The following CECR2 variants were observed in gnomAD, a reference collection of about 807,000 sequenced individuals.
The protein encoded by CECR2 is chromatin remodeling regulator CECR2.
A neutral mutation model predicts 154.5 loss-of-function variants in CECR2; 30 were observed. That is an observed-to-expected ratio of 0.19 (90% CI 0.15 to 0.26). The LOEUF is 0.26. Ranked by LOEUF, CECR2 falls within the 10% of genes least tolerant of loss-of-function variation. The pLI is 1.00. For missense variants in CECR2, 1,743 were observed against 1,829.3 expected (o/e 0.95, Z 0.86); for synonymous variants, 725 against 683.7 (o/e 1.06, Z -0.94).
intron 1 of CECR2, among the ~76,000 whole-genome samples, chr22:17,448,847 C>T (rs2054719554): frequency 6.6e-6 from 1 of 151,888 alleles, no homozygotes; most frequent in Non-Finnish European, 1.5e-5. Flanking sequence ...TCTTCTTTCT[C>T]CTTTTCAGAT....
intron 1 of CECR2, among the ~76,000 whole-genome samples, chr22:17,422,578 A>C (rs2146607772): frequency 6.6e-6 from 1 of 151,466 alleles, no homozygotes; most frequent in East Asian, 1.9e-4. Context: ...ATTTGGATAA[A>C]TTTTCAGTCA....
At chr22:17,505,456 C>T (rs1181602293) in intron 7 of CECR2, among the ~76,000 whole-genome samples, 1 of 151,498 alleles carries the variant, frequency 6.6e-6, no homozygotes, top group Non-Finnish European at 1.5e-5. Context: ...GCTATAGTCT[C>T]ATAAACCATA....
intron 1 of CECR2, among the ~76,000 whole-genome samples, chr22:17,447,033 C>CTTTTTTTT (rs1555910503): frequency 5.3e-5 from 6 of 114,098 alleles, no homozygotes; most frequent in East Asian, 3.0e-4. Context: ...CGTTTACAAT[C>CTTTTTTTT]TTTTTTTTTT....
intron 2 of CECR2, among the ~76,000 whole-genome samples, chr22:17,487,715 C>G (rs16982542): frequency 0.17 from 26,493 of 151,872 alleles, 2,391 homozygotes; most frequent in Non-Finnish European, 0.19. Context: ...ATAATACTTA[C>G]TGCTAAAATG....
intron 16 of CECR2, among the ~76,000 whole-genome samples, chr22:17,543,266 G>A (rs914501022): frequency 6.6e-6 from 1 of 152,032 alleles, no homozygotes; most frequent in African/African-American, 2.4e-5. Context: ...CCGAGTGTCT[G>A]GGACTACAGG....
chr22:17,363,032 T>G (rs1253405416), intron 1 of CECR2, among the ~76,000 whole-genome samples: 6 of 149,146 alleles, frequency 4.0e-5, no homozygotes, highest in Non-Finnish European at 7.4e-5. Flanking sequence ...CCCACTATTT[T>G]AGCCATTTCC....
At chr22:17,400,687 C>T (rs1440743865) in intron 1 of CECR2, among the ~76,000 whole-genome samples, 2 of 152,144 alleles carry the variant, frequency 1.3e-5, no homozygotes, top group African/African-American at 4.8e-5. Context: ...AAATACCTTG[C>T]TGCTTATCCA....
intron 8 of CECR2, among the ~76,000 whole-genome samples, chr22:17,514,269 G>A (rs1189775239): frequency 6.6e-6 from 1 of 152,174 alleles, no homozygotes; most frequent in Non-Finnish European, 1.5e-5. Flanking sequence ...TGTTTGTTGG[G>A]TGTTCGTCTC....
chr22:17,500,518 A>G, intron 4 of CECR2, 113 bp from the exon 5 acceptor site: 1 of 743,858 alleles, frequency 1.3e-6, no homozygotes, highest in Non-Finnish European at 2.1e-6. Flanking sequence ...TTTTCCTTTC[A>G]CTGCTACATT....
chr22:17,415,600 A>G (rs2054145934), intron 1 of CECR2, among the ~76,000 whole-genome samples: 1 of 152,162 alleles, frequency 6.6e-6, no homozygotes, highest in Admixed American at 6.6e-5. Flanking sequence ...TATTTACACC[A>G]TGCATTGGAT....
chr22:17,429,768 T>A (rs1198218917), intron 1 of CECR2, among the ~76,000 whole-genome samples: 1 of 151,916 alleles, frequency 6.6e-6, no homozygotes, highest in Non-Finnish European at 1.5e-5. Flanking sequence ...AATGGGTAGG[T>A]TAGTGAATAA....
intron 2 of CECR2, among the ~76,000 whole-genome samples, chr22:17,487,488 A>G (rs2055442397): frequency 6.6e-6 from 1 of 152,170 alleles, no homozygotes; most frequent in African/African-American, 2.4e-5. Flanking sequence ...TCACTAGGTC[A>G]GGAGATAGAG....
At position 17,549,536 on chromosome 22, in the gene CECR2, C is replaced by A. The variant is rs766259622; in HGVS notation, c.4249C>A (p.Pro1417Thr). ...TGGCACTAGAAGTGGAATAAGAGGA[C>A]CTTTCCAGGAAATGTACAGACCATC... is the stretch of plus-strand genomic sequence containing the variant. ...QIGTRSGIRG[P>T]FQEMYRPSGM... The change falls in exon 17 of 19, where the codon CCT becomes ACT. Residue 1417 changes from proline (P) to threonine (T), a missense_variant. Around this residue, in one of 4 missense-constraint regions of CECR2, gnomAD observed 1,250 missense variants for 1,192.1 expected, o/e 1.05. Coordinates refer to ENST00000262608, the MANE Select transcript of CECR2 (RefSeq NM_001290047.2). The A allele has an allele frequency of 2.7e-5, 43 of 1,599,252 alleles. No individual in the cohort carries two copies. Among genetic ancestry groups the A allele is most frequent in the Admixed American group, 1.6e-4 (9 of 57,456 alleles).
At chr22:17,485,071 T>C (rs2055397302) in intron 2 of CECR2, among the ~76,000 whole-genome samples, 2 of 152,170 alleles carry the variant, frequency 1.3e-5, no homozygotes, top group Non-Finnish European at 2.9e-5. Context: ...CATAACACTG[T>C]CTACTCATGG....
At chr22:17,456,767 T>A (rs2054860313) in intron 1 of CECR2, among the ~76,000 whole-genome samples, 1 of 152,200 alleles carries the variant, frequency 6.6e-6, no homozygotes, top group Non-Finnish European at 1.5e-5. Context: ...AGCATCACGA[T>A]ATGGAGATGG....
Position 17,548,487 on chromosome 22 carries a change from A to G in CECR2, c.3200A>G (p.Glu1067Gly), listed in dbSNP as rs2056650865. The G allele has an allele frequency of 6.2e-7, 1 of 1,613,658 alleles. No individual in the cohort carries two copies. Among genetic ancestry groups the G allele is most frequent in the Non-Finnish European group, 8.5e-7 (1 of 1,179,824 alleles). The change falls in exon 17 of 19, where the codon GAG (glutamate) becomes GGG (glycine). Residue 1067 changes from glutamate to glycine, a missense_variant. Glu to Gly is a moderately conservative substitution (Grantham distance 98, BLOSUM62 -2). Coordinates refer to ENST00000262608, the MANE Select transcript of CECR2 (RefSeq NM_001290047.2). ...VIGEASPCGS[E>G]GKGLGSSGSE... The stretch of plus-strand genomic sequence containing the variant: ...GGGGAAGCATCTCCTTGTGGATCGG[A>G]GGGGAAGGGCCTTGGTAGCAGTGGT...
intron 1 of CECR2, among the ~76,000 whole-genome samples, chr22:17,435,899 C>T (rs1423559549): frequency 2.6e-5 from 4 of 152,044 alleles, no homozygotes; most frequent in African/African-American, 4.8e-5. Context: ...CTGGGCAAAG[C>T]AAAGGTAAAT....
chr22:17,505,047 A>G lies in CECR2; in HGVS notation c.870+31A>G, dbSNP rs375133164. ...CCACACTCTCTGCTCTGTCCTCCTC[A>G]GTGTTAGGCCTGATGCTGCATTATT... On this transcript the variant is annotated intron_variant, in intron 7 of 18. Coordinates refer to ENST00000262608, the MANE Select transcript of CECR2 (RefSeq NM_001290047.2). 1,171 of 1,604,046 alleles carry G rather than the reference A, an allele frequency of 7.3e-4. 1 individual carries two copies. The highest frequency in any genetic ancestry group is 9.3e-4 in the Non-Finnish European group (1,089 of 1,174,682).
At chr22:17,404,817 A>T (rs1439322279) in intron 1 of CECR2, among the ~76,000 whole-genome samples, 4 of 152,126 alleles carry the variant, frequency 2.6e-5, no homozygotes, top group African/African-American at 9.7e-5. Context: ...TGCTTTGGCT[A>T]TTTTATATTT....
Sources: allele counts gnomAD v4.1 joint callset (sites outside exome capture counted in the v4.1 genomes callset), GRCh38; gene constraint gnomAD v4.1.1; regional missense constraint gnomAD v4.1.1; transcripts MANE v1.5; gene names NCBI Gene and HGNC (gene_info 2026-07-23, HGNC 2026-07-21).